The following PRKCE variants were observed in gnomAD, a reference collection of about 807,000 sequenced individuals.
The protein encoded by PRKCE is protein kinase C epsilon.
In PRKCE, 16 loss-of-function variants were observed where a neutral mutation model predicts 85.4. That is an observed-to-expected ratio of 0.19 (90% CI 0.13 to 0.28). The LOEUF (loss-of-function observed/expected upper bound fraction) is 0.28, where lower values mean the gene tolerates loss of function less well. Among genes scored for constraint, PRKCE ranks in the 10% least tolerant of loss-of-function variants. The pLI, the probability that PRKCE is intolerant of heterozygous loss-of-function variation, is 1.00. For synonymous variants in PRKCE, 388 were observed against 371.5 expected (o/e 1.04, Z -0.51); for missense variants, 573 against 975.2 (o/e 0.59, Z 5.49).
chr2:46,023,767 G>C (rs1457818964), intron 10 of PRKCE, among the ~76,000 whole-genome samples: 1 of 152,142 alleles, frequency 6.6e-6, no homozygotes, highest in Non-Finnish European at 1.5e-5. Flanking sequence ...GCCCCCCACT[G>C]CCTGTGGTTT....
intron 2 of PRKCE, among the ~76,000 whole-genome samples, chr2:45,860,130 C>G (rs1693026733): frequency 6.6e-6 from 1 of 152,170 alleles, no homozygotes; most frequent in Admixed American, 6.5e-5. Flanking sequence ...GGACAAGAAT[C>G]TTATCTAAGT....
intron 1 of PRKCE, among the ~76,000 whole-genome samples, chr2:45,833,798 G>A (rs1005225559): frequency 6.6e-5 from 10 of 152,146 alleles, no homozygotes; most frequent in East Asian, 3.8e-4. Flanking sequence ...AGTGCAGATC[G>A]GCAGTGGATT....
chr2:45,931,501 C>T (rs72802818), intron 2 of PRKCE, among the ~76,000 whole-genome samples: 3,976 of 152,318 alleles, frequency 0.026, 89 homozygotes, highest in East Asian at 0.1. Flanking sequence ...AAACAACCTC[C>T]TGATGGTAAA....
intron 10 of PRKCE, among the ~76,000 whole-genome samples, chr2:46,060,219 A>G (rs1298643934): frequency 6.6e-6 from 1 of 152,224 alleles, no homozygotes; most frequent in Non-Finnish European, 1.5e-5. Context: ...TAACTATTTC[A>G]GTTTAGGGAT....
At chr2:45,757,834 C>T (rs72799986) in intron 1 of PRKCE, among the ~76,000 whole-genome samples, 4,311 of 152,130 alleles carry the variant, frequency 0.028, 92 homozygotes, top group Non-Finnish European at 0.045. Flanking sequence ...CTTAGGATGG[C>T]AGGGGAGGAC....
intron 1 of PRKCE, among the ~76,000 whole-genome samples, chr2:45,696,104 A>C (rs1430633456): frequency 2.5e-5 from 2 of 78,938 alleles, no homozygotes; most frequent in African/African-American, 5.2e-5. Flanking sequence ...CCACCCCACA[A>C]CAGTCCCCAG....
chr2:45,674,619 C>T (rs1268051395), intron 1 of PRKCE: 1 of 152,170 alleles, frequency 6.6e-6, no homozygotes, highest in African/African-American at 2.4e-5. Flanking sequence ...AGTGCTTCTC[C>T]ACTTTAAAGG....
intron 2 of PRKCE, among the ~76,000 whole-genome samples, chr2:45,906,789 A>T (rs1697011190): frequency 6.6e-6 from 1 of 152,190 alleles, no homozygotes; most frequent in South Asian, 2.1e-4. Context: ...GCAGCTTCTG[A>T]GGTGCCTGCT....
At chr2:45,941,876 C>T (rs896581966) in intron 2 of PRKCE, among the ~76,000 whole-genome samples, 1 of 152,080 alleles carries the variant, frequency 6.6e-6, no homozygotes, top group Non-Finnish European at 1.5e-5. Context: ...GGGGGAGGTT[C>T]TTTATTGGGA....
intron 11 of PRKCE, among the ~76,000 whole-genome samples, chr2:46,128,669 C>T (rs1263030950): frequency 4.6e-5 from 7 of 152,152 alleles, no homozygotes; most frequent in Non-Finnish European, 2.9e-5. Context: ...TTTATGTCTT[C>T]GATCTTTTAA....
chr2:46,088,245 T>G (rs1338895624), intron 11 of PRKCE, among the ~76,000 whole-genome samples: 1 of 152,174 alleles, frequency 6.6e-6, no homozygotes, highest in African/African-American at 2.4e-5. Context: ...CCCACACCCC[T>G]TGTTTCGCAC....
chr2:45,900,391 A>C (rs1313448501), intron 2 of PRKCE, among the ~76,000 whole-genome samples: 1 of 152,270 alleles, frequency 6.6e-6, no homozygotes, highest in South Asian at 2.1e-4. Context: ...ATGAATGGAT[A>C]AACAAAATGT....
At chr2:45,996,756 T>C (rs948681990) in intron 6 of PRKCE, among the ~76,000 whole-genome samples, 51 of 152,180 alleles carry the variant, frequency 3.4e-4, no homozygotes, top group African/African-American at 1.2e-3. Flanking sequence ...TTGTTGAAGA[T>C]TTTTTGCATT....
At chr2:45,909,630 GT>G (rs1489806561) in intron 2 of PRKCE, among the ~76,000 whole-genome samples, 1 of 152,250 alleles carries the variant, frequency 6.6e-6, no homozygotes, top group African/African-American at 2.4e-5. Context: ...GCTAGCAAGT[GT>G]GTTCTAAATT....
At chr2:46,123,214 C>CTTTTTTGTTTTTTTTTTTTTTTTTTTTT (rs1673501219) in intron 11 of PRKCE, among the ~76,000 whole-genome samples, 1 of 27,350 alleles carries the variant, frequency 3.7e-5, no homozygotes, top group Non-Finnish European at 6.6e-5. Flanking sequence ...AAACACTTGC[C>CTTTTTTGTTTTTTTTTTTTTTTTTTTTT]TTTTTTTTTT....
chr2:46,172,377 G>A (rs1678996075), intron 14 of PRKCE, among the ~76,000 whole-genome samples: 1 of 152,208 alleles, frequency 6.6e-6, no homozygotes, highest in East Asian at 1.9e-4. Context: ...TCCATAATCA[G>A]GTGGCCCCAT....
chr2:45,710,594 G>C (rs930719311), intron 1 of PRKCE, among the ~76,000 whole-genome samples: 3 of 152,228 alleles, frequency 2.0e-5, no homozygotes, highest in African/African-American at 7.2e-5. Context: ...CCAGGCCCCA[G>C]GCCAGGATTC....
chr2:45,712,829 C>T (rs1241215923), intron 1 of PRKCE, among the ~76,000 whole-genome samples: 11 of 152,182 alleles, frequency 7.2e-5, no homozygotes, highest in Non-Finnish European at 1.3e-4. Flanking sequence ...TTCAACTCCT[C>T]CAGCACACTT....
At chr2:45,846,363 G>A (rs986300674) in intron 2 of PRKCE, among the ~76,000 whole-genome samples, 1 of 152,098 alleles carries the variant, frequency 6.6e-6, no homozygotes, top group Non-Finnish European at 1.5e-5. Context: ...CCTGACCTGG[G>A]GACTGATAGG....
Sources: allele counts gnomAD v4.1 joint callset (sites outside exome capture counted in the v4.1 genomes callset), GRCh38; gene constraint gnomAD v4.1.1; transcripts MANE v1.5; gene names NCBI Gene and HGNC (gene_info 2026-07-23, HGNC 2026-07-21).